MYO10: variants seen among roughly 807,000 people sequenced by gnomAD.
MYO10 encodes unconventional myosin-X.
A neutral mutation model predicts 257.3 loss-of-function variants in MYO10; 133 were observed. The observed-to-expected ratio is 0.52, with a 90% confidence interval of 0.45 to 0.60. The LOEUF (loss-of-function observed/expected upper bound fraction) is 0.60. Ranked by LOEUF, MYO10 falls within the 20% of genes least tolerant of loss-of-function variation. The pLI is 0.00. For missense variants in MYO10, 2,399 were observed against 2,635.7 expected (o/e 0.91, Z 1.97); for synonymous variants, 1,104 against 1,028.6 (o/e 1.07, Z -1.40).
chr5:16,679,820 G>A (rs982408998), intron 33 of MYO10, 127 bp downstream of exon 33: 20 of 1,296,746 alleles, frequency 1.5e-5, no homozygotes, highest in South Asian at 4.7e-5. Flanking sequence ...CCACCGTGCC[G>A]GCCAACCAAG....
At chr5:16,806,014 T>C (rs1228977487) in intron 3 of MYO10, among the ~76,000 whole-genome samples, 1 of 152,170 alleles carries the variant, frequency 6.6e-6, no homozygotes, top group African/African-American at 2.4e-5. Flanking sequence ...AAATATCATG[T>C]TGTGTATCTT....
In MYO10 at chr5:16,794,698, C is replaced by T. The variant is rs1027746803; in HGVS notation, c.415G>A (p.Glu139Lys). 7 of 1,613,546 alleles carry T rather than the reference C, an allele frequency of 4.3e-6. No homozygotes were observed. The highest frequency in any genetic ancestry group is 5.1e-6 in the Non-Finnish European group (6 of 1,179,732). ...CGCTTCCACAGGCAGCGGTAGCACTCGTTGGCGATGGCGAAGATGTGCGGG... is the reference window on the plus strand; with the variant it reads ...CGCTTCCACAGGCAGCGGTAGCACTTGTTGGCGATGGCGAAGATGTGCGGG... ...LPPHIFAIAN[E>K]CYRCLWKRHD... The change falls in exon 4 of 41, where the codon GAG becomes AAG. Residue 139 changes from glutamate (E) to lysine (K), a missense_variant. Coordinates refer to ENST00000513610, the MANE Select transcript of MYO10 (RefSeq NM_012334.3).
In MYO10 at chr5:16,663,324, A is replaced by G. The variant is rs1268257536; in HGVS notation, c.*3368T>C. 1.6e-5 allele frequency: 1 copy of G among 61,460 alleles called. No homozygotes were observed. Among genetic ancestry groups the G allele is most frequent in the Non-Finnish European group, 3.1e-5 (1 of 32,514 alleles). The allele number at this position is 61,460 out of a possible 1,614,324, so 3.8% of individuals were successfully genotyped here. On this transcript the variant is annotated 3_prime_UTR_variant, in exon 41 of 41. Transcript: ENST00000513610. ...TGGAAAAAAGTAACATTTTACTTCTAGTTGTTTTTTTTTTTTTTTTTTTTT... is the reference window on the plus strand; with the variant it reads ...TGGAAAAAAGTAACATTTTACTTCTGGTTGTTTTTTTTTTTTTTTTTTTTT...
intron 9 of MYO10, among the ~76,000 whole-genome samples, chr5:16,778,398 T>C (rs1355608925): frequency 2.0e-5 from 3 of 152,100 alleles, no homozygotes; most frequent in African/African-American, 7.2e-5. Context: ...TACCTTAACA[T>C]GAGACAGCCA....
intron 29 of MYO10, among the ~76,000 whole-genome samples, chr5:16,684,665 T>C (rs1737161761): frequency 6.6e-6 from 1 of 152,246 alleles, no homozygotes; most frequent in South Asian, 2.1e-4. Flanking sequence ...AGAAACTTTA[T>C]TTCAAGATTT....
At chr5:16,756,067 A>G (rs1463010274) in intron 18 of MYO10, among the ~76,000 whole-genome samples, 1 of 152,092 alleles carries the variant, frequency 6.6e-6, no homozygotes, top group East Asian at 1.9e-4. Flanking sequence ...ATTTTTAAAA[A>G]TTTTATTATT....
At chr5:16,805,269 C>A (rs1335739858) in intron 3 of MYO10, among the ~76,000 whole-genome samples, 2 of 151,908 alleles carry the variant, frequency 1.3e-5, no homozygotes, top group African/African-American at 2.4e-5. Context: ...TCAAGACCAG[C>A]CTGGCCAACA....
intron 1 of MYO10, among the ~76,000 whole-genome samples, chr5:16,891,103 T>C (rs1240095104): frequency 6.6e-6 from 1 of 151,630 alleles, no homozygotes; most frequent in East Asian, 1.9e-4. Context: ...ACTAACGTGG[T>C]GAAACCCAGT....
intron 4 of MYO10, among the ~76,000 whole-genome samples, chr5:16,790,591 G>A (rs1741722021): frequency 6.6e-6 from 1 of 152,082 alleles, no homozygotes; most frequent in African/African-American, 2.4e-5. Context: ...CTTCTTCACT[G>A]TCTCTTTGCC....
chr5:16,769,032 G>A (rs1174617160), intron 10 of MYO10, 42 bp downstream of exon 10: 2 of 1,552,298 alleles, frequency 1.3e-6, no homozygotes, highest in East Asian at 2.4e-5. Flanking sequence ...GTTTCCCACG[G>A]GGAACAAAGG....
At chr5:16,675,188 G>T (rs759186092) in intron 34 of MYO10, 38 bp from the exon 35 acceptor site, 4 of 1,604,586 alleles carry the variant, frequency 2.5e-6, no homozygotes, top group South Asian at 1.1e-5. Flanking sequence ...TCATCTGAGG[G>T]GTTCAGAATA....
chr5:16,739,506 T>C lies in MYO10; in HGVS notation c.1929+15322A>G, dbSNP rs1739936564. Among the ~76,000 whole-genome samples, 2 of 152,158 alleles carry C rather than the reference T, an allele frequency of 1.3e-5. 1 individual carries two copies. Among genetic ancestry groups the C allele is most frequent in the South Asian group, 4.1e-4 (2 of 4,836 alleles). ...TATATACATCAAAGTCATAACAACG[T>C]GCATATTCTGATTGGCAAATACACT... On this transcript the variant is annotated intron_variant, in intron 19 of 40. Coordinates refer to ENST00000513610, the MANE Select transcript of MYO10 (RefSeq NM_012334.3).
chr5:16,689,772 G>T, intron 28 of MYO10, 52 bp downstream of exon 28: 2 of 1,422,316 alleles, frequency 1.4e-6, no homozygotes, highest in Non-Finnish European at 2.0e-6. Context: ...GCTCACACCT[G>T]TGCATGAGGG....
At chr5:16,932,540 T>C (rs1746318859) in intron 1 of MYO10, among the ~76,000 whole-genome samples, 1 of 152,068 alleles carries the variant, frequency 6.6e-6, no homozygotes, top group African/African-American at 2.4e-5. Flanking sequence ...ACTTAACAAC[T>C]TACTTAGAAA....
intron 3 of MYO10, among the ~76,000 whole-genome samples, chr5:16,797,274 G>A (rs1023071254): frequency 2.0e-5 from 3 of 152,140 alleles, no homozygotes; most frequent in Non-Finnish European, 4.4e-5. Flanking sequence ...TTTCTGATGA[G>A]GGATGCCCAA....
chr5:16,723,497 A>G (rs1739236697), intron 19 of MYO10, among the ~76,000 whole-genome samples: 1 of 152,238 alleles, frequency 6.6e-6, no homozygotes, highest in Non-Finnish European at 1.5e-5. Context: ...AATGTGGAGC[A>G]ACAAGAACTC....
At chr5:16,820,715 T>C (rs1256414587) in intron 2 of MYO10, among the ~76,000 whole-genome samples, 1 of 152,100 alleles carries the variant, frequency 6.6e-6, no homozygotes, top group Non-Finnish European at 1.5e-5. Context: ...TAGAATATTA[T>C]AATTTTTACT....
intron 19 of MYO10, chr5:16,738,174 T>C: frequency 4.1e-6 from 4 of 985,466 alleles, no homozygotes; most frequent in South Asian, 9.4e-5. Flanking sequence ...GTGTTTCTTT[T>C]GGAGCCCAGC....
chr5:16,733,494 C>T lies in MYO10; in HGVS notation c.1929+21334G>A, dbSNP rs141485769. ...ATTTTCCTTGAAAATTGCTCAGTGC[C>T]GTCTGCTCTGAGATAAATGGTAATT... On this transcript the variant is annotated intron_variant, in intron 19 of 40. Transcript: ENST00000513610. Among the ~76,000 whole-genome samples, 54 of 152,178 alleles carry T rather than the reference C, an allele frequency of 3.5e-4. 1 individual carries two copies. The East Asian group carries it at 8.5e-3, about 24-fold the overall frequency.
Sources: gnomAD v4.1 joint callset for allele counts (sites outside exome capture counted in the v4.1 genomes callset) on GRCh38, gnomAD v4.1.1 for gene constraint, MANE v1.5 for transcripts, NCBI Gene and HGNC (gene_info 2026-07-23, HGNC 2026-07-21) for gene names.